The following SLA variants were observed in gnomAD, a reference collection of about 807,000 sequenced individuals.
SLA encodes the protein Src like adaptor, also known as src-like-adapter.
SLA carries 16 observed loss-of-function variants against 30.3 expected under a neutral mutation model. The ratio of observed to expected loss-of-function variants is 0.53; its 90% CI spans 0.36 to 0.80. The LOEUF is 0.80. Among genes scored for constraint, SLA ranks in the 30% least tolerant of loss-of-function variants. The pLI is 0.01. For missense variants in SLA, 310 were observed against 345.2 expected, an observed-to-expected ratio of 0.90 and a Z score of 0.81; for synonymous variants, 143 against 137.8, an observed-to-expected ratio of 1.04 and a Z score of -0.26.
rs1244727275 is a variant in SLA, at chr8:133,102,563, TC to T, written c.-330del. 1 of 1,551,614 alleles carries T rather than the reference TC, an allele frequency of 6.4e-7. No individual in the cohort carries two copies. Among genetic ancestry groups the T allele is most frequent in the African/African-American group, 1.4e-5 (1 of 73,174 alleles). On this transcript the variant is annotated 5_prime_UTR_variant, in exon 1 of 9. The change creates a premature stop within an existing upstream ORF in the 5' untranslated region. Transcript: ENST00000338087. ...AAGTTAGCAACCTACCGGTGGAGCA[TC>T]AGGGCTGCCTGAGATGTTCTCCATT...
At chr8:133,049,328 G>T (rs2131204794) in intron 5 of SLA, 3 of 359,148 alleles carry the variant, frequency 8.4e-6, no homozygotes, top group South Asian at 6.2e-5. Context: ...ATAGGTATTT[G>T]ATTAGAATAG....
intron 1 of SLA, among the ~76,000 whole-genome samples, chr8:133,092,255 C>T (rs1199040490): frequency 2.0e-5 from 3 of 152,222 alleles, no homozygotes; most frequent in African/African-American, 7.2e-5. Context: ...GACTCCGAAG[C>T]AACTACAGTG....
chr8:133,097,365 A>G (rs1456809778), intron 1 of SLA, among the ~76,000 whole-genome samples: 1 of 152,208 alleles, frequency 6.6e-6, no homozygotes. Flanking sequence ...TGCATTGTTT[A>G]TTGATTGATT....
At chr8:133,067,113 T>G (rs1276146622) in intron 2 of SLA, among the ~76,000 whole-genome samples, 2 of 152,160 alleles carry the variant, frequency 1.3e-5, no homozygotes, top group Non-Finnish European at 2.9e-5. Context: ...GCACAGGGGC[T>G]TAGCATCCGG....
intron 1 of SLA, among the ~76,000 whole-genome samples, chr8:133,078,125 G>A (rs11996654): frequency 0.046 from 6,989 of 152,230 alleles, 514 homozygotes; most frequent in African/African-American, 0.16. Flanking sequence ...GTGTAGCAAG[G>A]CTCCTTTGGG....
chr8:133,050,585 C>T (rs1046466579), intron 4 of SLA: 4 of 454,202 alleles, frequency 8.8e-6, no homozygotes, highest in Non-Finnish European at 1.6e-5. Context: ...ATCTCAAAAG[C>T]CAAGTTAAGG....
At chr8:133,050,132 T>A (rs1840135900) in intron 4 of SLA, 144 bp from the exon 5 acceptor site, 1 of 675,050 alleles carries the variant, frequency 1.5e-6, no homozygotes, top group Admixed American at 2.3e-5. Flanking sequence ...TAACCCATAT[T>A]TCGTCATCTG....
At chr8:133,092,562 C>T (rs761601983) in intron 1 of SLA, among the ~76,000 whole-genome samples, 59 of 152,258 alleles carry the variant, frequency 3.9e-4, no homozygotes, top group South Asian at 1.7e-3. Context: ...GCAGAGGACA[C>T]GCTTCTTCAC....
rs757981630 is a variant in SLA at position 133,038,519 on chromosome 8, C to A, written c.*5G>T. 2 of 1,602,626 alleles carry A rather than the reference C, an allele frequency of 1.2e-6. No homozygotes were observed. The highest frequency in any genetic ancestry group is 2.2e-5 in the East Asian group (1 of 44,842). ...TTGGGCATGAACCATTGTGTCTGTT[C>A]TTGGCTAGTCCTCAAAGTAAGGTGG... On this transcript the variant is annotated 3_prime_UTR_variant, in exon 9 of 9. Coordinates refer to ENST00000338087, the MANE Select transcript of SLA (RefSeq NM_001045556.3).
At chr8:133,062,188 T>A (rs991474389) in intron 2 of SLA, among the ~76,000 whole-genome samples, 1 of 152,164 alleles carries the variant, frequency 6.6e-6, no homozygotes, top group Non-Finnish European at 1.5e-5. Flanking sequence ...GCTCGGGCCC[T>A]TCTTTCTTCA....
intron 1 of SLA, among the ~76,000 whole-genome samples, chr8:133,091,559 C>T (rs1157525730): frequency 6.6e-6 from 1 of 151,982 alleles, no homozygotes; most frequent in African/African-American, 2.4e-5. Context: ...TCAACAAGGG[C>T]AGCTTTGTGT....
chr8:133,045,259 A>C (rs997379290), intron 6 of SLA, 144 bp from the exon 7 acceptor site: 2 of 740,224 alleles, frequency 2.7e-6, no homozygotes, highest in Non-Finnish European at 4.6e-6. Context: ...CCCTCCCTCC[A>C]CTAGACCCTT....
chr8:133,038,173 C>G lies in SLA; in HGVS notation c.*351G>C, dbSNP rs1442945466. 2 of 296,162 alleles carry G rather than the reference C, an allele frequency of 6.8e-6. No homozygotes were observed. Among genetic ancestry groups the G allele is most frequent in the Non-Finnish European group, 1.3e-5 (2 of 154,862 alleles). 18.3% of individuals were successfully genotyped at this position (296,162 alleles called of 1,614,324 possible). A position where few individuals can be genotyped will look rare whatever the true frequency, so the allele number is the denominator to read the frequency against. On this transcript the variant is annotated 3_prime_UTR_variant, in exon 9 of 9. Coordinates refer to ENST00000338087, the MANE Select transcript of SLA (RefSeq NM_001045556.3). ...TGACCTTGGAGTGTAACTGTCTGGA[C>G]AGGTCCAGTTCCTTGGAGAGCAGTC...
At chr8:133,096,481 C>A in intron 1 of SLA, 2 of 1,337,266 alleles carry the variant, frequency 1.5e-6, no homozygotes, top group Non-Finnish European at 2.1e-6. Flanking sequence ...TGAGTAACTA[C>A]TGTGTGCAAT....
chr8:133,088,065 G>C (rs1846888497), intron 1 of SLA, among the ~76,000 whole-genome samples: 1 of 152,200 alleles, frequency 6.6e-6, no homozygotes, highest in Non-Finnish European at 1.5e-5. Context: ...GATGGTAGTG[G>C]GAGTTTAAAG....
chr8:133,055,926 C>A (rs1841366397), intron 3 of SLA, among the ~76,000 whole-genome samples: 1 of 152,068 alleles, frequency 6.6e-6, no homozygotes, highest in African/African-American at 2.4e-5. Context: ...ACCGAGGTTA[C>A]CCCTGAAGTC....
At chr8:133,091,925 CTG>C (rs150968624) in intron 1 of SLA, among the ~76,000 whole-genome samples, 3,186 of 151,148 alleles carry the variant, frequency 0.021, 120 homozygotes, top group African/African-American at 0.073. Context: ...GTGGCTACGT[CTG>C]TGTGTGTGTG....
chr8:133,081,765 G>GT (rs1845789732), intron 1 of SLA, among the ~76,000 whole-genome samples: 1 of 152,194 alleles, frequency 6.6e-6, no homozygotes. Flanking sequence ...GAGGTCAGCA[G>GT]TGTTCCCAGA....
At chr8:133,063,774 T>C (rs1842722282) in intron 2 of SLA, 1 of 152,212 alleles carries the variant, frequency 6.6e-6, no homozygotes, top group Non-Finnish European at 1.5e-5. Context: ...AGCCCTTTAG[T>C]GGTCTGCTCA....
Sources: gnomAD v4.1 joint callset for allele counts (sites outside exome capture counted in the v4.1 genomes callset) on GRCh38, gnomAD v4.1.1 for gene constraint, MANE v1.5 for transcripts, NCBI Gene and HGNC (gene_info 2026-07-23, HGNC 2026-07-21) for gene names.